The following ANO3 variants were observed in gnomAD, a reference collection of about 807,000 sequenced individuals.
The protein encoded by ANO3 is anoctamin-3.
ANO3 carries 99 observed loss-of-function variants against 144.8 expected under a neutral mutation model. That is an observed-to-expected ratio of 0.68 (90% CI 0.58 to 0.81). The LOEUF (loss-of-function observed/expected upper bound fraction) is 0.81. Ranked by LOEUF, ANO3 falls within the 30% of genes least tolerant of loss-of-function variation. The pLI, the probability that ANO3 is intolerant of heterozygous loss-of-function variation, is 0.00. For missense variants in ANO3, 905 were observed against 1,202.2 expected (o/e 0.75, Z 3.66); for synonymous variants, 414 against 392.6 (o/e 1.05, Z -0.64).
chr11:26,317,207 T>C (rs1248980547), intron 1 of ANO3, among the ~76,000 whole-genome samples: 3 of 150,854 alleles, frequency 2.0e-5, no homozygotes, highest in African/African-American at 4.9e-5. Context: ...ACGAGATAAG[T>C]TGTTACAGAG....
chr11:26,332,818 C>T (rs1033978427), intron 1 of ANO3, among the ~76,000 whole-genome samples: 24 of 152,104 alleles, frequency 1.6e-4, no homozygotes, highest in African/African-American at 5.1e-4. Context: ...TCTGTCACTT[C>T]CTTGGGAAAA....
At chr11:26,548,804 T>C (rs1343881599) in intron 12 of ANO3, among the ~76,000 whole-genome samples, 1 of 151,926 alleles carries the variant, frequency 6.6e-6, no homozygotes, top group Non-Finnish European at 1.5e-5. Context: ...GCAAACTCAC[T>C]ACCATCCTGC....
chr11:26,189,238 C>T, exon 1 of ANO3: 3 of 985,110 alleles, frequency 3.0e-6, no homozygotes, highest in South Asian at 9.4e-5. Context: ...CATGAGCACG[C>T]TTCCAACTCA....
intron 17 of ANO3, among the ~76,000 whole-genome samples, chr11:26,619,072 A>G (rs761365741): frequency 6.6e-6 from 1 of 152,210 alleles, no homozygotes; most frequent in Non-Finnish European, 1.5e-5. Context: ...CCTTATGAAC[A>G]GGGGCTGTAG....
chr11:26,272,528 G>T (rs750029588), intron 1 of ANO3, among the ~76,000 whole-genome samples: 1 of 152,132 alleles, frequency 6.6e-6, no homozygotes, highest in Non-Finnish European at 1.5e-5. Flanking sequence ...AAGAAATGAA[G>T]TCATTTTATG....
At chr11:26,459,650 C>T (rs1214410069) in intron 3 of ANO3, among the ~76,000 whole-genome samples, 1 of 151,534 alleles carries the variant, frequency 6.6e-6, no homozygotes, top group African/African-American at 2.4e-5. Flanking sequence ...ACAAAAAATA[C>T]CTTAGTGAGG....
rs548404476 is a variant in ANO3, at chr11:26,609,445, A to G, written c.1836+9731A>G. ...GATTCCCATATCCTGCAGGTGCAGG[A>G]TATCACATGCAGGATTCACATATCC... is the stretch of plus-strand genomic sequence containing the variant. On this transcript the variant is annotated intron_variant, in intron 17 of 26. Coordinates refer to ENST00000256737, the MANE Select transcript of ANO3 (RefSeq NM_031418.4). Among the ~76,000 whole-genome samples, 4 of 151,648 alleles carry G rather than the reference A, an allele frequency of 2.6e-5. No individual in the cohort carries two copies. The South Asian group carries it at 8.3e-4, about 32-fold the overall frequency.
At chr11:26,404,998 T>C (rs1857244385) in intron 1 of ANO3, among the ~76,000 whole-genome samples, 1 of 151,222 alleles carries the variant, frequency 6.6e-6, no homozygotes, top group South Asian at 2.1e-4. Flanking sequence ...TCTATATCTC[T>C]ATATTTATAT....
intron 14 of ANO3, among the ~76,000 whole-genome samples, chr11:26,592,805 C>T (rs1052913847): frequency 6.6e-6 from 1 of 151,792 alleles, no homozygotes; most frequent in African/African-American, 2.4e-5. Flanking sequence ...AAGTAATTTC[C>T]GTTGGTTAGC....
intron 1 of ANO3, among the ~76,000 whole-genome samples, chr11:26,198,949 G>A (rs2133910157): frequency 6.6e-6 from 1 of 152,290 alleles, no homozygotes; most frequent in African/African-American, 2.4e-5. Context: ...GTGGATGGCA[G>A]CAAGATCTAC....
At chr11:26,566,384 C>T (rs546220073) in intron 14 of ANO3, among the ~76,000 whole-genome samples, 1 of 152,022 alleles carries the variant, frequency 6.6e-6, no homozygotes, top group Admixed American at 6.6e-5. Context: ...ACTGACTATA[C>T]ATTAAATGCA....
At chr11:26,387,492 T>G in intron 1 of ANO3, among the ~76,000 whole-genome samples, 1 of 139,170 alleles carries the variant, frequency 7.2e-6, no homozygotes, top group East Asian at 2.1e-4. Flanking sequence ...TTTTAATTTC[T>G]AAAGTTACTT....
chr11:26,344,497 C>A (rs1194237393), intron 1 of ANO3, among the ~76,000 whole-genome samples: 2 of 151,768 alleles, frequency 1.3e-5, no homozygotes, highest in Non-Finnish European at 2.9e-5. Context: ...TCCCGAGTAG[C>A]TGGGACTACA....
chr11:26,564,980 T>C (rs921589551), intron 14 of ANO3, among the ~76,000 whole-genome samples: 3 of 151,024 alleles, frequency 2.0e-5, no homozygotes, highest in Admixed American at 6.6e-5. Context: ...TATATGTTCA[T>C]TGAAGCCCTA....
chr11:26,656,221 AT>A lies in ANO3; in HGVS notation c.2657+17del. On this transcript the variant is annotated intron_variant, in intron 25 of 26. Coordinates refer to ENST00000256737, the MANE Select transcript of ANO3 (RefSeq NM_031418.4). The stretch of plus-strand genomic sequence containing the variant: ...GTTATTGCAGGTACTTATAATAGTT[AT>A]CTTTCCTGCTTGCTTTCACCATTCC... 6.2e-7 allele frequency: 1 copy of A among 1,600,944 alleles called. No homozygotes were observed. The highest frequency in any genetic ancestry group is 1.1e-5 in the South Asian group (1 of 90,602).
At chr11:26,448,221 C>A (rs565599306) in intron 3 of ANO3, among the ~76,000 whole-genome samples, 4 of 152,056 alleles carry the variant, frequency 2.6e-5, no homozygotes, top group South Asian at 2.1e-4. Context: ...ATCGCTTGAA[C>A]CCAGGAGGCG....
At chr11:26,562,564 CT>C (rs1348206854) in intron 14 of ANO3, among the ~76,000 whole-genome samples, 1 of 151,836 alleles carries the variant, frequency 6.6e-6, no homozygotes, top group Non-Finnish European at 1.5e-5. Context: ...TTATGGTTGG[CT>C]TTTTCCATCA....
chr11:26,281,148 G>C (rs1413410606), intron 1 of ANO3, among the ~76,000 whole-genome samples: 1 of 152,020 alleles, frequency 6.6e-6, no homozygotes, highest in Non-Finnish European at 1.5e-5. Context: ...TCTTTACTTT[G>C]CAGATGAAGA....
At chr11:26,585,371 G>A (rs1331196070) in intron 14 of ANO3, among the ~76,000 whole-genome samples, 4 of 151,738 alleles carry the variant, frequency 2.6e-5, no homozygotes, top group Non-Finnish European at 4.4e-5. Flanking sequence ...ATCTGATTTG[G>A]TATTTCATTC....
Sources: gnomAD v4.1 joint callset for allele counts (sites outside exome capture counted in the v4.1 genomes callset) on GRCh38, gnomAD v4.1.1 for gene constraint, MANE v1.5 for transcripts, NCBI Gene and HGNC (gene_info 2026-07-23, HGNC 2026-07-21) for gene names.